The following FBXO34 variants were observed in gnomAD, a reference collection of about 807,000 sequenced individuals.
FBXO34 encodes F-box only protein 34.
A neutral mutation model predicts 24.5 loss-of-function variants in FBXO34; 12 were observed. That is an observed-to-expected ratio of 0.49 (90% CI 0.31 to 0.79). The LOEUF (loss-of-function observed/expected upper bound fraction) is 0.79. FBXO34 is among the 30% of genes least tolerant of loss of function. The pLI, the probability that FBXO34 is intolerant of heterozygous loss-of-function variation, is 0.04. For synonymous variants in FBXO34, 320 were observed against 311.9 expected (o/e 1.03, Z -0.27); for missense variants, 823 against 857.7 (o/e 0.96, Z 0.51).
intron 1 of FBXO34, among the ~76,000 whole-genome samples, chr14:55,324,288 A>G (rs1349543909): frequency 1.3e-5 from 2 of 152,214 alleles, no homozygotes; most frequent in Non-Finnish European, 2.9e-5. Context: ...TGATGGCTGA[A>G]TTAATATTCC....
intron 1 of FBXO34, among the ~76,000 whole-genome samples, chr14:55,320,309 C>T (rs1163734488): frequency 1.3e-5 from 2 of 152,146 alleles, no homozygotes; most frequent in African/African-American, 4.8e-5. Flanking sequence ...TGTGCTTTGA[C>T]CAGCAGCCTC....
the FBXO34 span, among the ~76,000 whole-genome samples, chr14:55,393,963 G>A: frequency 1.2e-4 from 18 of 150,766 alleles, no homozygotes; most frequent in African/African-American, 4.1e-4. Context: ...TCCACAGCAC[G>A]TAGACTGACC....
chr14:55,415,445 C>T, the FBXO34 span, among the ~76,000 whole-genome samples: 1 of 152,164 alleles, frequency 6.6e-6, no homozygotes, highest in Admixed American at 6.5e-5. Context: ...AATTTCACGC[C>T]TTGGTAAATA....
chr14:55,382,256 T>C, the FBXO34 span: 3 of 1,383,048 alleles, frequency 2.2e-6, no homozygotes, highest in Non-Finnish European at 2.0e-6. Context: ...GCAATATAAC[T>C]GCAAGACATG....
At chr14:55,350,267 C>A in intron 1 of FBXO34, 114 bp from the exon 2 acceptor site, 1 of 657,932 alleles carries the variant, frequency 1.5e-6, no homozygotes. Flanking sequence ...ATTTAATGAA[C>A]TGGTAGAACA....
the FBXO34 span, among the ~76,000 whole-genome samples, chr14:55,431,338 GTGTGTAATA>G: frequency 6.6e-6 from 1 of 152,216 alleles, no homozygotes; most frequent in Non-Finnish European, 1.5e-5. Flanking sequence ...ACTCATGAAT[GTGTGTAATA>G]TGTGTAACAT....
the FBXO34 span, chr14:55,382,212 A>G: frequency 1.9e-6 from 3 of 1,610,912 alleles, no homozygotes; most frequent in East Asian, 2.2e-5. Context: ...GAAGACACAC[A>G]CGGATTTTCA....
At chr14:55,378,264 T>G in the FBXO34 span, among the ~76,000 whole-genome samples, 1 of 152,202 alleles carries the variant, frequency 6.6e-6, no homozygotes, top group African/African-American at 2.4e-5. Context: ...CTATACAAAT[T>G]ACAAATGCAC....
chr14:55,429,766 C>CAAAAAAAAAAAAAAAA, the FBXO34 span, among the ~76,000 whole-genome samples: 1 of 52,394 alleles, frequency 1.9e-5, no homozygotes, highest in Non-Finnish European at 3.2e-5. Flanking sequence ...AACTCCGTCT[C>CAAAAAAAAAAAAAAAA]AAAAAAAAAA....
At chr14:55,301,571 A>G (rs1566546643) in intron 1 of FBXO34, among the ~76,000 whole-genome samples, 1 of 152,238 alleles carries the variant, frequency 6.6e-6, no homozygotes, top group Non-Finnish European at 1.5e-5. Context: ...TACTGTATTT[A>G]TATCAGTGGC....
the FBXO34 span, chr14:55,390,774 G>A: frequency 1.6e-6 from 1 of 633,792 alleles, no homozygotes; most frequent in East Asian, 3.1e-5. Flanking sequence ...AAGGAAAGAT[G>A]AGGGCGAGTA....
rs781157283 is a variant in FBXO34, at chr14:55,352,540, G to A, written c.*14G>A. 5.6e-5 allele frequency: 88 copies of A among 1,571,924 alleles called. No individual in the cohort carries two copies. Among genetic ancestry groups the A allele is most frequent in the South Asian group, 1.1e-4 (9 of 83,652 alleles). The stretch of plus-strand genomic sequence containing the variant: ...GAGGAATACTAAAGTCCATGTGAGA[G>A]GCAACAAAAGGACCGGTTTCTAAAG... On this transcript the variant is annotated 3_prime_UTR_variant, in exon 2 of 2. Transcript: ENST00000313833.
At chr14:55,272,732 T>C (rs1791855253) in intron 1 of FBXO34, among the ~76,000 whole-genome samples, 1 of 152,118 alleles carries the variant, frequency 6.6e-6, no homozygotes, top group African/African-American at 2.4e-5. Flanking sequence ...CACCCTATGG[T>C]ACCATGCTAC....
At chr14:55,345,599 C>T (rs1200928375) in intron 1 of FBXO34, among the ~76,000 whole-genome samples, 5 of 152,182 alleles carry the variant, frequency 3.3e-5, no homozygotes, top group Non-Finnish European at 7.3e-5. Context: ...CCTTCTGACA[C>T]ATATAACATT....
intron 1 of FBXO34, among the ~76,000 whole-genome samples, chr14:55,348,998 G>T (rs561445716): frequency 6.6e-6 from 1 of 152,116 alleles, no homozygotes; most frequent in Non-Finnish European, 1.5e-5. Context: ...GAAACTTCAC[G>T]TGCTTAGACC....
the FBXO34 span, among the ~76,000 whole-genome samples, chr14:55,384,312 A>C: frequency 6.6e-6 from 1 of 152,252 alleles, no homozygotes; most frequent in East Asian, 1.9e-4. Flanking sequence ...AGAATTTTAA[A>C]GTTTCCCTGT....
downstream of FBXO34, among the ~76,000 whole-genome samples, chr14:55,364,547 CTT>C (rs1468251394): frequency 3.3e-5 from 5 of 151,952 alleles, no homozygotes; most frequent in African/African-American, 4.8e-5. Context: ...GCCTCAGCCT[CTT>C]GAGTAGCTGG....
chr14:55,358,771 A>G (rs1209489014), intron 3 of FBXO34, among the ~76,000 whole-genome samples: 1 of 152,158 alleles, frequency 6.6e-6, no homozygotes, highest in African/African-American at 2.4e-5. Context: ...ATTAGAATCA[A>G]CTGTGGAGCT....
At chr14:55,298,234 C>A (rs77623355) in intron 1 of FBXO34, among the ~76,000 whole-genome samples, 2,151 of 151,008 alleles carry the variant, frequency 0.014, 57 homozygotes, top group African/African-American at 0.049. Flanking sequence ...TTTTTAAGCT[C>A]ATCAAATATC....
Sources: allele counts gnomAD v4.1 joint callset (sites outside exome capture counted in the v4.1 genomes callset), GRCh38; gene constraint gnomAD v4.1.1; transcripts MANE v1.5; gene names NCBI Gene and HGNC (gene_info 2026-07-23, HGNC 2026-07-21).